Variants in CMTM8 observed in about 807,000 individuals in gnomAD.
CMTM8 encodes the protein CKLF like MARVEL transmembrane domain containing 8.
Under a neutral mutation model 18.6 loss-of-function variants are expected in CMTM8, and 12 were observed. The observed-to-expected ratio is 0.65, with a 90% CI of 0.41 to 1.05. The LOEUF (loss-of-function observed/expected upper bound fraction) is 1.05, where lower values mean the gene tolerates loss of function less well. Ranked by LOEUF, CMTM8 falls within the 50% of genes least tolerant of loss-of-function variation. The probability of loss-of-function intolerance (pLI) is 0.00; values close to 1 mark genes in which losing one functional copy is unlikely to be tolerated. For synonymous variants in CMTM8, 87 were observed against 90.6 expected, an observed-to-expected ratio of 0.96 and a Z score of 0.23; for missense variants, 217 against 227.2, an observed-to-expected ratio of 0.95 and a Z score of 0.29.
chr3:32,287,891 G>A (rs1702711309), intron 1 of CMTM8, among the ~76,000 whole-genome samples: 1 of 152,088 alleles, frequency 6.6e-6, no homozygotes, highest in African/African-American at 2.4e-5. Context: ...CTGGAAATAT[G>A]TTCATATGCC....
intron 1 of CMTM8, among the ~76,000 whole-genome samples, chr3:32,305,495 C>G (rs948606490): frequency 2.0e-5 from 3 of 152,106 alleles, no homozygotes; most frequent in African/African-American, 7.2e-5. Flanking sequence ...ACTGGGTGTT[C>G]CAAGAAAATG....
At chr3:32,339,211 C>G (rs992601395) in intron 1 of CMTM8, among the ~76,000 whole-genome samples, 13 of 152,174 alleles carry the variant, frequency 8.5e-5, no homozygotes, top group Admixed American at 3.9e-4. Context: ...ATTTCCATTC[C>G]ATTGCCTGCT....
intron 1 of CMTM8, among the ~76,000 whole-genome samples, chr3:32,278,153 G>A (rs1702547301): frequency 6.6e-6 from 1 of 152,196 alleles, no homozygotes; most frequent in African/African-American, 2.4e-5. Flanking sequence ...TGGAGAAGTA[G>A]AGGATCCCTT....
At chr3:32,361,269 C>T (rs538974005) in intron 2 of CMTM8, among the ~76,000 whole-genome samples, 52 of 21,268 alleles carry the variant, frequency 2.4e-3, no homozygotes, top group Non-Finnish European at 5.4e-3. Context: ...GTGTGAGCCA[C>T]GGCGCCCAGC....
chr3:32,357,216 C>A (rs1195558801), intron 1 of CMTM8, among the ~76,000 whole-genome samples, 157 bp from the exon 2 acceptor site: 1 of 152,100 alleles, frequency 6.6e-6, no homozygotes, highest in Non-Finnish European at 1.5e-5. Context: ...GGCACTCTAG[C>A]CTGGGCGACG....
chr3:32,261,358 A>C (rs1031977517), intron 1 of CMTM8, among the ~76,000 whole-genome samples: 1 of 152,172 alleles, frequency 6.6e-6, no homozygotes, highest in African/African-American at 2.4e-5. Flanking sequence ...ACAAATGATC[A>C]ATTATAGGAA....
intron 1 of CMTM8, among the ~76,000 whole-genome samples, chr3:32,293,838 C>T (rs1173011001): frequency 2.6e-5 from 4 of 152,214 alleles, no homozygotes; most frequent in African/African-American, 9.6e-5. Flanking sequence ...GAGGGAGACT[C>T]TGCCTCAATA....
At chr3:32,302,891 G>A (rs1393559390) in intron 1 of CMTM8, among the ~76,000 whole-genome samples, 2 of 152,284 alleles carry the variant, frequency 1.3e-5, no homozygotes, top group African/African-American at 4.8e-5. Flanking sequence ...TTGAACAAAG[G>A]AACCCTGGGG....
rs1227679685 is a variant in CMTM8 at position 32,358,950 on chromosome 3, TTGGAATTTAAGGAA to T, written c.321+1407_321+1420del. 1.3e-5 allele frequency among the ~76,000 whole-genome samples: 2 copies of T among 152,160 alleles called. No homozygotes were observed. Among genetic ancestry groups the T allele is most frequent in the Non-Finnish European group, 2.9e-5 (2 of 68,014 alleles). On this transcript the variant is annotated intron_variant, in intron 2 of 3. Coordinates refer to ENST00000307526, the MANE Select transcript of CMTM8 (RefSeq NM_178868.5). This position sits in a 1 kb window ranked among gnomAD's most constrained non-coding sequence, Gnocchi z 4.1. ...AGGATGAGGGAATAATCAAAGTAGG[TTGGAATTTAAGGAA>T]TGCCATTTTGGACAAAGTTGTGTCC...
At chr3:32,315,703 T>G (rs1461546262) in intron 1 of CMTM8, among the ~76,000 whole-genome samples, 2 of 152,198 alleles carry the variant, frequency 1.3e-5, no homozygotes, top group Non-Finnish European at 2.9e-5. Context: ...TTTTCCCAGA[T>G]TTGACCATGA....
intron 1 of CMTM8, among the ~76,000 whole-genome samples, chr3:32,343,168 AC>A (rs1395342838): frequency 1.3e-5 from 2 of 152,160 alleles, no homozygotes; most frequent in African/African-American, 4.8e-5. Flanking sequence ...TTCTGCTTTG[AC>A]CCCTGACTAG....
rs766922145 is a variant in CMTM8, at chr3:32,357,322, C to G, written c.148-51C>G. 9.7e-6 allele frequency: 13 copies of G among 1,342,546 alleles called. No individual in the cohort carries two copies. In the South Asian group the frequency reaches 1.8e-4, roughly 18 times the overall value. The allele number at this position is 1,342,546 out of a possible 1,614,324, so 83.2% of individuals were successfully genotyped here. A position where few individuals can be genotyped will look rare whatever the true frequency, so the allele number is the denominator to read the frequency against. ...TCTTTGTCCCTCCTTCCTTCTTTTT[C>G]TTTATCTTCTACTGTCCCCTCCTCT... On this transcript the variant is annotated intron_variant, in intron 1 of 3. Transcript: ENST00000307526.
intron 1 of CMTM8, among the ~76,000 whole-genome samples, chr3:32,297,877 G>A (rs1313452252): frequency 6.6e-6 from 1 of 151,776 alleles, no homozygotes; most frequent in Non-Finnish European, 1.5e-5. Context: ...GTTAATTTAA[G>A]GACTTGAAGT....
intron 1 of CMTM8, among the ~76,000 whole-genome samples, chr3:32,315,293 C>G (rs1245421880): frequency 1.3e-5 from 2 of 152,054 alleles, no homozygotes; most frequent in African/African-American, 2.4e-5. Context: ...CCACACCCAG[C>G]TAATTTTTGT....
chr3:32,285,003 C>T lies in CMTM8; in HGVS notation c.147+45884C>T, dbSNP rs530829138. On this transcript the variant is annotated intron_variant, in intron 1 of 3. Transcript: ENST00000307526. ...TAATGCAGAGTCTGAGAGGCCCCAG[C>T]GAAGGTGATCAAGGTACACACCTTT... is the stretch of plus-strand genomic sequence containing the variant. 7.2e-5 allele frequency among the ~76,000 whole-genome samples: 11 copies of T among 152,160 alleles called. No homozygotes were observed. The South Asian group carries it at 2.3e-3, about 32-fold the overall frequency.
At position 32,295,021 on chromosome 3, in the gene CMTM8, A is replaced by G. The variant is rs1435873580; in HGVS notation, c.147+55902A>G. On this transcript the variant is annotated intron_variant, in intron 1 of 3. Coordinates refer to ENST00000307526, the MANE Select transcript of CMTM8 (RefSeq NM_178868.5). ...AGTGAGCTGATATCATGCCACTGCA[A>G]TCCAGCCTGGGTGACAGAGCAAGAC... 5.9e-5 allele frequency among the ~76,000 whole-genome samples: 9 copies of G among 152,080 alleles called. No homozygotes were observed. The South Asian group carries it at 8.3e-4, about 14-fold the overall frequency.
At chr3:32,303,720 A>G (rs561821781) in intron 1 of CMTM8, among the ~76,000 whole-genome samples, 2 of 151,854 alleles carry the variant, frequency 1.3e-5, no homozygotes, top group South Asian at 4.2e-4. Flanking sequence ...CCTCACTTAC[A>G]TTTGCCAGCT....
chr3:32,293,097 A>ATATG (rs533960018), intron 1 of CMTM8, among the ~76,000 whole-genome samples: 273 of 151,000 alleles, frequency 1.8e-3, no homozygotes, highest in African/African-American at 6.5e-3. Flanking sequence ...ATATATATAT[A>ATATG]TTTAACTTTT....
chr3:32,278,367 T>G (rs1183760734), intron 1 of CMTM8, among the ~76,000 whole-genome samples: 1 of 152,198 alleles, frequency 6.6e-6, no homozygotes, highest in Non-Finnish European at 1.5e-5. Flanking sequence ...TATTCTGTGC[T>G]GTGAGGGGCC....
Sources: gnomAD v4.1 joint callset for allele counts (sites outside exome capture counted in the v4.1 genomes callset) on GRCh38, gnomAD v4.1.1 for gene constraint, Gnocchi (gnomAD v3.1) non-coding constraint, MANE v1.5 for transcripts, NCBI Gene and HGNC (gene_info 2026-07-23, HGNC 2026-07-21) for gene names.